The following ZNF710 variants were observed in gnomAD, a reference collection of about 807,000 sequenced individuals.
ZNF710 encodes the protein zinc finger protein 710.
ZNF710 carries 13 observed loss-of-function variants against 50.6 expected under a neutral mutation model. The ratio of observed to expected loss-of-function variants is 0.26; its 90% confidence interval spans 0.17 to 0.41. The LOEUF is 0.41. Ranked by LOEUF, ZNF710 falls within the 10% of genes least tolerant of loss-of-function variation. The probability of loss-of-function intolerance (pLI) is 1.00; values close to 1 mark genes in which losing one functional copy is unlikely to be tolerated. For synonymous variants in ZNF710, 383 were observed against 397.0 expected, an observed-to-expected ratio of 0.96 and a Z score of 0.42; for missense variants, 721 against 936.6, an observed-to-expected ratio of 0.77 and a Z score of 3.01.
chr15:90,071,329 CAA>C (rs1900375266), intron 2 of ZNF710, among the ~76,000 whole-genome samples: 2 of 140,194 alleles, frequency 1.4e-5, no homozygotes, highest in African/African-American at 5.0e-5. Context: ...AAGCAAAAAC[CAA>C]AGGCTAATAA....
Position 90,040,545 on chromosome 15 carries a change from G to A in ZNF710, c.-28-26565G>A, listed in dbSNP as rs1338607097. On this transcript the variant is annotated intron_variant, in intron 1 of 4. Coordinates refer to ENST00000268154, the MANE Select transcript of ZNF710 (RefSeq NM_198526.4). This position sits in a 1 kb window ranked among gnomAD's most constrained non-coding sequence, Gnocchi z 4.6. Reference sequence around the variant, plus strand: ...TGGCTTAATGCTCCGGGAGTTCACAGTGATCCCGATTTGACTTCACAGTGA... The same window carrying A: ...TGGCTTAATGCTCCGGGAGTTCACAATGATCCCGATTTGACTTCACAGTGA... Among the ~76,000 whole-genome samples the A allele has an allele frequency of 6.6e-6, 1 of 152,220 alleles. No individual in the cohort carries two copies. The highest frequency in any genetic ancestry group is 1.5e-5 in the Non-Finnish European group (1 of 68,046).
At chr15:90,033,207 G>A (rs1451324156) in intron 1 of ZNF710, among the ~76,000 whole-genome samples, 2 of 152,188 alleles carry the variant, frequency 1.3e-5, no homozygotes, top group African/African-American at 4.8e-5. Flanking sequence ...AACAGCGTGT[G>A]GGCCAGGGTG....
intron 1 of ZNF710, among the ~76,000 whole-genome samples, chr15:90,045,594 G>A (rs957640678): frequency 1.3e-5 from 2 of 152,134 alleles, no homozygotes; most frequent in East Asian, 3.9e-4. Context: ...AGAGGGTTGT[G>A]TGGCTGCTGC....
intron 1 of ZNF710, among the ~76,000 whole-genome samples, chr15:90,052,699 G>A (rs1176128985): frequency 1.3e-5 from 2 of 152,212 alleles, no homozygotes; most frequent in African/African-American, 4.8e-5. Context: ...GGGAGGCCGA[G>A]GTGGGCAGAT....
intron 1 of ZNF710, among the ~76,000 whole-genome samples, chr15:90,038,875 C>T (rs545629420): frequency 4.6e-5 from 7 of 152,290 alleles, no homozygotes; most frequent in African/African-American, 1.4e-4. Context: ...CAGGAAAGTC[C>T]TAAGGCAGAG....
chr15:90,065,626 G>C (rs925557599), intron 1 of ZNF710, among the ~76,000 whole-genome samples: 24 of 152,210 alleles, frequency 1.6e-4, no homozygotes, highest in Non-Finnish European at 3.4e-4. Flanking sequence ...TGAAAAGACC[G>C]GGCTCCACAG....
Position 90,066,629 on chromosome 15 carries a change from C to T in ZNF710, c.-28-481C>T, listed in dbSNP as rs923933078. Among the ~76,000 whole-genome samples the T allele has an allele frequency of 3.3e-5, 5 of 152,034 alleles. No homozygotes were observed. The East Asian group carries it at 5.8e-4, about 18-fold the overall frequency. ...TAGCTGGGATTACAGGTGCCGGCCA[C>T]CACGCCCAGCTAATTTTGTATTTTT... On this transcript the variant is annotated intron_variant, in intron 1 of 4. Transcript: ENST00000268154.
intron 1 of ZNF710, among the ~76,000 whole-genome samples, chr15:90,016,145 C>G (rs934274981): frequency 4.0e-5 from 6 of 151,802 alleles, no homozygotes; most frequent in Non-Finnish European, 7.4e-5. Context: ...GCACATACTA[C>G]CTAATAATTT....
chr15:90,031,041 A>AAAAAG lies in ZNF710; in HGVS notation c.-29+29427_-29+29428insAAAAG, dbSNP rs1898934020. Among the ~76,000 whole-genome samples, 5 of 150,428 alleles carry AAAAAG rather than the reference A, an allele frequency of 3.3e-5. 1 individual carries two copies. The highest frequency in any genetic ancestry group is 7.4e-5 in the African/African-American group (3 of 40,792). ...CTCAAAAAAAAAGAAAAAAAAAAAA[A>AAAAAG]TGCTTAATGGATTGTTTGGTAACAA... On this transcript the variant is annotated intron_variant, in intron 1 of 4. Coordinates refer to ENST00000268154, the MANE Select transcript of ZNF710 (RefSeq NM_198526.4).
chr15:90,082,184 A>T lies in ZNF710; in HGVS notation c.*2355A>T, dbSNP rs1398989412. The stretch of plus-strand genomic sequence containing the variant: ...TAGCAATAATTATAAATAAATGAAT[A>T]TTCTTTAGTGAGGTGACTGCAAATG... On this transcript the variant is annotated 3_prime_UTR_variant, in exon 5 of 5. Coordinates refer to ENST00000268154, the MANE Select transcript of ZNF710 (RefSeq NM_198526.4). The T allele has an allele frequency of 6.6e-6, 1 of 152,222 alleles. No homozygotes were observed. The highest frequency in any genetic ancestry group is 2.4e-5 in the African/African-American group (1 of 41,450). 9.4% of individuals were successfully genotyped at this position (152,222 alleles called of 1,614,324 possible).
chr15:90,068,519 G>A lies in ZNF710; in HGVS notation c.1382G>A (p.Arg461Gln), dbSNP rs1900269263. The A allele has an allele frequency of 3.1e-6, 5 of 1,613,118 alleles. No homozygotes were observed. Among genetic ancestry groups the A allele is most frequent in the Non-Finnish European group, 4.2e-6 (5 of 1,180,026 alleles). ...QNHMLKHQNV[R>Q]PFVCTECGME... ...CACATGCTCAAGCACCAGAACGTGC[G>A]ACCCTTCGTGTGCACTGAATGCGGC... Residue 461 changes from arginine to glutamine, a missense_variant, in exon 2 of 5, where the codon CGA becomes CAA. Arg to Gln is a conservative substitution (Grantham distance 43, BLOSUM62 1). Coordinates refer to ENST00000268154, the MANE Select transcript of ZNF710 (RefSeq NM_198526.4). The surrounding 1 kb of genome is among the most constrained non-coding windows in gnomAD (Gnocchi z 5.0).
rs1429996575 is a variant in ZNF710, at chr15:90,034,371, G to A, written c.-28-32739G>A. Among the ~76,000 whole-genome samples, 1 of 151,934 alleles carries A rather than the reference G, an allele frequency of 6.6e-6. No homozygotes were observed. Among genetic ancestry groups the A allele is most frequent in the Admixed American group, 6.6e-5 (1 of 15,244 alleles). ...TGTTTTGTCTATGTTATTTGAAAAAGTGGATTGCATTGTGGGTCCCCAGAA... is the reference window on the plus strand; with the variant it reads ...TGTTTTGTCTATGTTATTTGAAAAAATGGATTGCATTGTGGGTCCCCAGAA... On this transcript the variant is annotated intron_variant, in intron 1 of 4. Coordinates refer to ENST00000268154, the MANE Select transcript of ZNF710 (RefSeq NM_198526.4). The surrounding 1 kb of genome is among the most constrained non-coding windows in gnomAD (Gnocchi z 4.0).
chr15:90,076,374 C>T (rs908213350), intron 4 of ZNF710: 8 of 152,164 alleles, frequency 5.3e-5, no homozygotes, highest in Non-Finnish European at 1.5e-5. Context: ...CAGAAGGAAC[C>T]AGAGCAGAAC....
At chr15:90,042,402 G>A (rs1043861516) in intron 1 of ZNF710, among the ~76,000 whole-genome samples, 1 of 150,298 alleles carries the variant, frequency 6.7e-6, no homozygotes, top group Admixed American at 6.7e-5. Flanking sequence ...TCAGGGCTCC[G>A]GACTGGTCCT....
intron 1 of ZNF710, among the ~76,000 whole-genome samples, chr15:90,014,216 G>A (rs573576544): frequency 3.3e-5 from 5 of 152,168 alleles, no homozygotes; most frequent in African/African-American, 1.2e-4. Context: ...ACTGACATCC[G>A]ATGCAGCTGT....
intron 1 of ZNF710, among the ~76,000 whole-genome samples, chr15:90,011,366 C>T (rs1211001281): frequency 6.6e-6 from 1 of 152,254 alleles, no homozygotes; most frequent in Non-Finnish European, 1.5e-5. Flanking sequence ...GCCACGGCCT[C>T]CCAGAGTGTT....
In ZNF710 at chr15:90,040,105, G is replaced by A. The variant is rs922839040; in HGVS notation, c.-28-27005G>A. Among the ~76,000 whole-genome samples the A allele has an allele frequency of 2.0e-5, 3 of 152,224 alleles. No homozygotes were observed. Among genetic ancestry groups the A allele is most frequent in the African/African-American group, 7.2e-5 (3 of 41,448 alleles). On this transcript the variant is annotated intron_variant, in intron 1 of 4. Coordinates refer to ENST00000268154, the MANE Select transcript of ZNF710 (RefSeq NM_198526.4). This position sits in a 1 kb window ranked among gnomAD's most constrained non-coding sequence, Gnocchi z 4.6. ...AGCATGCCAGTGAGAACCAGAGCCT[G>A]GGGGCACTTTGTGCATGGTGGCCAT...
chr15:90,036,447 G>C (rs924519311), intron 1 of ZNF710, among the ~76,000 whole-genome samples: 1 of 152,082 alleles, frequency 6.6e-6, no homozygotes, highest in African/African-American at 2.4e-5. Context: ...CCCCACCGAG[G>C]GACGTCCCTT....
intron 1 of ZNF710, among the ~76,000 whole-genome samples, chr15:90,056,434 A>T (rs1358888864): frequency 6.6e-6 from 1 of 152,100 alleles, no homozygotes; most frequent in African/African-American, 2.4e-5. Context: ...AGAGCTCCAG[A>T]TTAGTCCTGA....
Sources: allele counts gnomAD v4.1 joint callset (sites outside exome capture counted in the v4.1 genomes callset), GRCh38; gene constraint gnomAD v4.1.1; non-coding constraint Gnocchi (gnomAD v3.1); transcripts MANE v1.5; gene names NCBI Gene and HGNC (gene_info 2026-07-23, HGNC 2026-07-21).